VAPA: variants seen among roughly 807,000 people sequenced by gnomAD.
The protein encoded by VAPA is VAMP associated protein A.
In VAPA, 6 loss-of-function variants were observed where a neutral mutation model predicts 25.6. That is an observed-to-expected ratio of 0.23 (90% CI 0.13 to 0.46). VAPA has a LOEUF of 0.46. Among genes scored for constraint, VAPA ranks in the 20% least tolerant of loss-of-function variants. The pLI is 0.99. For synonymous variants in VAPA, 112 were observed against 106.2 expected (o/e 1.05, Z -0.34); for missense variants, 244 against 302.1 (o/e 0.81, Z 1.43).
intron 2 of VAPA, among the ~76,000 whole-genome samples, chr18:9,934,057 ATTACGCAAACATGCCCTTGGATTGT>A (rs1437683244): frequency 6.6e-6 from 1 of 152,206 alleles, no homozygotes; most frequent in Non-Finnish European, 1.5e-5. Flanking sequence ...CTGGTTACTG[ATTACGCAAACATGCCCTTGGATTGT>A]TCTACTTAAT....
At chr18:9,944,431 C>T (rs1191084251) in intron 4 of VAPA, among the ~76,000 whole-genome samples, 2 of 152,044 alleles carry the variant, frequency 1.3e-5, no homozygotes, top group Non-Finnish European at 2.9e-5. Flanking sequence ...TTATATGAGT[C>T]TTTAAGTGTT....
At chr18:9,942,812 G>C (rs1422447298) in intron 4 of VAPA, among the ~76,000 whole-genome samples, 1 of 152,134 alleles carries the variant, frequency 6.6e-6, no homozygotes, top group East Asian at 1.9e-4. Flanking sequence ...CATGGGGATG[G>C]TGCTAAACCA....
chr18:9,933,515 C>G (rs373123303), intron 2 of VAPA, among the ~76,000 whole-genome samples: 29 of 152,300 alleles, frequency 1.9e-4, no homozygotes, highest in African/African-American at 6.3e-4. Context: ...CATCTTTAAG[C>G]CTTTAGCACA....
rs1220934813 is a variant in VAPA at position 9,957,833 on chromosome 18, G to T, written c.*3622G>T. The stretch of plus-strand genomic sequence containing the variant: ...AGATAGTCTCTTGCTTAGTGAGATG[G>T]AGTTAACTATTTTTTAGTAGGAAGT... On this transcript the variant is annotated 3_prime_UTR_variant, in exon 6 of 6. Coordinates refer to ENST00000400000, the MANE Select transcript of VAPA (RefSeq NM_194434.3). The T allele has an allele frequency of 1.3e-5, 2 of 152,206 alleles. No homozygotes were observed. Among genetic ancestry groups the T allele is most frequent in the Non-Finnish European group, 2.9e-5 (2 of 68,036 alleles). 9.4% of individuals were successfully genotyped at this position (152,206 alleles called of 1,614,324 possible). A position where few individuals can be genotyped will look rare whatever the true frequency, so the allele number is the denominator to read the frequency against.
chr18:9,952,698 C>T (rs535124258), intron 5 of VAPA, among the ~76,000 whole-genome samples: 16 of 152,254 alleles, frequency 1.1e-4, no homozygotes, highest in African/African-American at 3.4e-4. Context: ...TTTTAATTCC[C>T]CTAGCCCTGT....
intron 3 of VAPA, chr18:9,936,439 A>G: frequency 3.1e-6 from 1 of 318,700 alleles, no homozygotes; most frequent in South Asian, 6.6e-5. Flanking sequence ...GGCCTGGTGC[A>G]GTGGCTCACA....
chr18:9,936,002 G>C lies in VAPA; in HGVS notation c.233-108G>C, dbSNP rs577097979. ...TAGGAATGATACTATTGCCAGATAC[G>C]GTTTAAGGCAAATCCCAGACTTAGT... On this transcript the variant is annotated intron_variant, in intron 2 of 5. Coordinates refer to ENST00000400000, the MANE Select transcript of VAPA (RefSeq NM_194434.3). The C allele has an allele frequency of 3.6e-4, 243 of 683,848 alleles. 1 individual carries two copies. In the African/African-American group the frequency reaches 4.2e-3, roughly 12 times the overall value. 42.4% of individuals were successfully genotyped at this position (683,848 alleles called of 1,614,324 possible).
At chr18:9,939,851 A>G (rs2069349470) in intron 4 of VAPA, among the ~76,000 whole-genome samples, 1 of 152,192 alleles carries the variant, frequency 6.6e-6, no homozygotes, top group Non-Finnish European at 1.5e-5. Flanking sequence ...CTCCACAACA[A>G]AGAATAATCT....
intron 1 of VAPA, among the ~76,000 whole-genome samples, chr18:9,917,643 C>A (rs375630180): frequency 2.0e-5 from 3 of 152,160 alleles, no homozygotes; most frequent in African/African-American, 7.2e-5. Context: ...AAATAAATTT[C>A]AAATATATTC....
Position 9,933,663 on chromosome 18 carries a change from G to GA in VAPA, c.232+1702dup, listed in dbSNP as rs557777197. Among the ~76,000 whole-genome samples, 721 of 152,268 alleles carry GA rather than the reference G, an allele frequency of 4.7e-3. 9 individuals are homozygous for GA. Among genetic ancestry groups the GA allele is most frequent in the African/African-American group, 0.017 (691 of 41,556 alleles). ...AGTGATTTTCCTGCCTCAGCCACTT[G>GA]AGTAGCTAGGATTACGGGCGTGTGC... On this transcript the variant is annotated intron_variant, in intron 2 of 5. Coordinates refer to ENST00000400000, the MANE Select transcript of VAPA (RefSeq NM_194434.3).
chr18:9,951,635 C>G (rs896330234), intron 5 of VAPA, among the ~76,000 whole-genome samples: 3 of 152,144 alleles, frequency 2.0e-5, no homozygotes. Flanking sequence ...GTTTCAAGAC[C>G]TAAATACCTA....
intron 3 of VAPA, chr18:9,936,660 T>C (rs551467073): frequency 7.9e-6 from 2 of 254,312 alleles, no homozygotes; most frequent in African/African-American, 2.2e-5. Context: ...GGAGGATTGA[T>C]TGCTTGAGCC....
chr18:9,930,721 T>C (rs1210036949), intron 1 of VAPA, among the ~76,000 whole-genome samples: 1 of 152,084 alleles, frequency 6.6e-6, no homozygotes, highest in African/African-American at 2.4e-5. Context: ...GCAGACCTGT[T>C]AGTTATATTA....
chr18:9,942,174 C>T (rs2069372549), intron 4 of VAPA, among the ~76,000 whole-genome samples: 1 of 152,070 alleles, frequency 6.6e-6, no homozygotes, highest in Non-Finnish European at 1.5e-5. Flanking sequence ...GTTCCTTACA[C>T]CTTTATTTTT....
intron 1 of VAPA, among the ~76,000 whole-genome samples, chr18:9,922,039 G>T (rs963090498): frequency 6.6e-6 from 1 of 152,094 alleles, no homozygotes; most frequent in Non-Finnish European, 1.5e-5. Context: ...GTGCAGTGGT[G>T]CTGTTATAGC....
At chr18:9,914,948 C>G (rs1048658157) in intron 1 of VAPA, 7 of 152,522 alleles carry the variant, frequency 4.6e-5, no homozygotes, top group Non-Finnish European at 1.0e-4. Context: ...GAGGGCGTCG[C>G]TTGTCACCTT....
intron 5 of VAPA, among the ~76,000 whole-genome samples, chr18:9,952,760 C>A (rs938207357): frequency 6.6e-6 from 1 of 152,118 alleles, no homozygotes; most frequent in African/African-American, 2.4e-5. Context: ...TAAAAAGTTA[C>A]AGTTGACCAG....
At chr18:9,936,710 A>G in intron 3 of VAPA, 1 of 187,266 alleles carries the variant, frequency 5.3e-6, no homozygotes, top group Non-Finnish European at 9.5e-6. Flanking sequence ...AAACAGAATG[A>G]GACCAACTGG....
chr18:9,917,898 A>T (rs2069125476), intron 1 of VAPA, among the ~76,000 whole-genome samples: 1 of 152,188 alleles, frequency 6.6e-6, no homozygotes. Flanking sequence ...CAGTGGCTAT[A>T]CAAAACGCCT....
Sources: allele counts gnomAD v4.1 joint callset (sites outside exome capture counted in the v4.1 genomes callset), GRCh38; gene constraint gnomAD v4.1.1; transcripts MANE v1.5; gene names NCBI Gene and HGNC (gene_info 2026-07-23, HGNC 2026-07-21).